The following NELL1 variants were observed in gnomAD, a reference collection of about 807,000 sequenced individuals.
The protein encoded by NELL1 is protein kinase C-binding protein NELL1.
A neutral mutation model predicts 107.4 loss-of-function variants in NELL1; 76 were observed. The observed-to-expected ratio is 0.71, with a 90% confidence interval of 0.59 to 0.86. NELL1 has a LOEUF of 0.86. Among genes scored for constraint, NELL1 ranks in the 40% least tolerant of loss-of-function variants. NELL1 has a pLI of 0.00. For synonymous variants in NELL1, 353 were observed against 341.2 expected, an observed-to-expected ratio of 1.03 and a Z score of -0.38; for missense variants, 1,024 against 1,005.5, an observed-to-expected ratio of 1.02 and a Z score of -0.25.
At chr11:21,119,138 T>A (rs186570938) in intron 13 of NELL1, among the ~76,000 whole-genome samples, 1 of 152,122 alleles carries the variant, frequency 6.6e-6, no homozygotes, top group African/African-American at 2.4e-5. Context: ...GCCAAATCAA[T>A]CCCTCTTTGA....
intron 14 of NELL1, among the ~76,000 whole-genome samples, chr11:21,354,987 T>C (rs1213903870): frequency 6.6e-6 from 1 of 152,202 alleles, no homozygotes; most frequent in African/African-American, 2.4e-5. Flanking sequence ...CCTTTCAGGC[T>C]CCCATTTCCT....
chr11:21,064,140 C>T (rs1306414645), intron 12 of NELL1, among the ~76,000 whole-genome samples: 6 of 152,098 alleles, frequency 3.9e-5, no homozygotes, highest in Non-Finnish European at 8.8e-5. Context: ...CCCTTGTAAC[C>T]AGAACCAGGG....
At chr11:20,849,180 C>A (rs545067599) in intron 4 of NELL1, among the ~76,000 whole-genome samples, 1 of 152,312 alleles carries the variant, frequency 6.6e-6, no homozygotes, top group South Asian at 2.1e-4. Context: ...AGAGGAAGAG[C>A]CCTGCTTGTC....
intron 13 of NELL1, among the ~76,000 whole-genome samples, chr11:21,172,635 T>A (rs763304891): frequency 1.3e-5 from 2 of 151,626 alleles, no homozygotes; most frequent in Non-Finnish European, 2.9e-5. Context: ...TTTTAATTAT[T>A]TTTTTTTCTC....
intron 14 of NELL1, among the ~76,000 whole-genome samples, chr11:21,358,156 G>A (rs1043699301): frequency 1.3e-5 from 2 of 152,048 alleles, no homozygotes; most frequent in African/African-American, 4.8e-5. Flanking sequence ...ATGAATTTTA[G>A]GATTGCTTTT....
chr11:20,915,748 G>T (rs1253352195), intron 5 of NELL1, among the ~76,000 whole-genome samples: 8 of 22,838 alleles, frequency 3.5e-4, no homozygotes, highest in Non-Finnish European at 6.3e-4. Flanking sequence ...GAGGAATAAG[G>T]CTGATTGAGC....
chr11:20,675,449 C>T (rs1854030518), intron 1 of NELL1, among the ~76,000 whole-genome samples: 1 of 152,188 alleles, frequency 6.6e-6, no homozygotes, highest in South Asian at 2.1e-4. Flanking sequence ...ATTGATCATG[C>T]ATCAACTCAT....
rs184916847 is a variant in NELL1 at position 21,434,144 on chromosome 11, G to A, written c.1645+63196G>A. On this transcript the variant is annotated intron_variant, in intron 15 of 19. Transcript: ENST00000357134. ...TATTTTCTTTTATTCTACAGGTTGTGTCTTCACTCTGGTGATTGTTCCTTT... is the reference window on the plus strand; with the variant it reads ...TATTTTCTTTTATTCTACAGGTTGTATCTTCACTCTGGTGATTGTTCCTTT... Among the ~76,000 whole-genome samples, 54 of 152,188 alleles carry A rather than the reference G, an allele frequency of 3.5e-4. No individual in the cohort carries two copies. In the East Asian group the frequency reaches 9.7e-3, roughly 27 times the overall value.
chr11:21,371,132 G>A (rs1851351265), intron 15 of NELL1, among the ~76,000 whole-genome samples, 184 bp downstream of exon 15: 1 of 152,074 alleles, frequency 6.6e-6, no homozygotes, highest in Non-Finnish European at 1.5e-5. Flanking sequence ...TCTGAAAATA[G>A]AGCTTCATTC....
rs139306052 is a variant in NELL1 at position 21,108,675 on chromosome 11, G to A, written c.1301-4914G>A. On this transcript the variant is annotated intron_variant, in intron 12 of 19. Transcript: ENST00000357134. Reference sequence around the variant, plus strand: ...ATAGTCTCAAGCGTTATGAGTAGACGCTGTGTCAGTCTGTGAGTTCCAGCT... The same window carrying A: ...ATAGTCTCAAGCGTTATGAGTAGACACTGTGTCAGTCTGTGAGTTCCAGCT... Among the ~76,000 whole-genome samples, 20 of 152,172 alleles carry A rather than the reference G, an allele frequency of 1.3e-4. No individual in the cohort carries two copies. The South Asian group carries it at 2.7e-3, about 21-fold the overall frequency.
chr11:20,773,926 A>G (rs1856690359), intron 2 of NELL1, among the ~76,000 whole-genome samples: 1 of 152,034 alleles, frequency 6.6e-6, no homozygotes, highest in African/African-American at 2.4e-5. Flanking sequence ...GCTCCAGGTG[A>G]TTTCAGACCT....
At chr11:21,148,697 C>A (rs1374365909) in intron 13 of NELL1, among the ~76,000 whole-genome samples, 1 of 152,090 alleles carries the variant, frequency 6.6e-6, no homozygotes, top group Non-Finnish European at 1.5e-5. Context: ...CTGTAAGGAG[C>A]CAGTAAATTG....
chr11:21,108,400 T>A (rs893825046), intron 12 of NELL1, among the ~76,000 whole-genome samples: 5 of 152,246 alleles, frequency 3.3e-5, no homozygotes, highest in Admixed American at 1.3e-4. Context: ...TAAGTACACC[T>A]TTTAAAACAA....
intron 3 of NELL1, among the ~76,000 whole-genome samples, chr11:20,834,858 G>T (rs534692121): frequency 2.0e-5 from 3 of 152,230 alleles, no homozygotes; most frequent in South Asian, 2.1e-4. Flanking sequence ...GGTGACACCC[G>T]TGGGAGTGTT....
At chr11:21,185,293 C>CTTTTTT (rs11446941) in intron 13 of NELL1, among the ~76,000 whole-genome samples, 4 of 118,474 alleles carry the variant, frequency 3.4e-5, no homozygotes, top group Non-Finnish European at 6.6e-5. Context: ...ATTCCAGTAT[C>CTTTTTT]TTTTTTTTTT....
intron 2 of NELL1, among the ~76,000 whole-genome samples, chr11:20,700,729 A>G (rs187833576): frequency 1.2e-4 from 19 of 152,120 alleles, no homozygotes; most frequent in Admixed American, 9.2e-4. Flanking sequence ...TCATTGTTCA[A>G]TTCCCACCTC....
intron 12 of NELL1, 133 bp from the exon 13 acceptor site, chr11:21,113,456 T>G: frequency 1.2e-6 from 1 of 849,204 alleles, no homozygotes; most frequent in Non-Finnish European, 1.8e-6. Flanking sequence ...CACCTAAGCT[T>G]TTGTGTTTAA....
intron 17 of NELL1, among the ~76,000 whole-genome samples, chr11:21,569,084 C>T (rs1857038456): frequency 6.6e-6 from 1 of 151,654 alleles, no homozygotes; most frequent in Non-Finnish European, 1.5e-5. Flanking sequence ...TAATACAGTG[C>T]ATTACATAAT....
At chr11:21,182,440 G>GAAAAAAAAAAAAAAAAAAAAA (rs201319322) in intron 13 of NELL1, among the ~76,000 whole-genome samples, 1 of 111,722 alleles carries the variant, frequency 9.0e-6, no homozygotes. Context: ...GTCTCAAAAA[G>GAAAAAAAAAAAAAAAAAAAAA]AAAAAAAAAA....
Sources: allele counts gnomAD v4.1 joint callset (sites outside exome capture counted in the v4.1 genomes callset), GRCh38; gene constraint gnomAD v4.1.1; transcripts MANE v1.5; gene names NCBI Gene and HGNC (gene_info 2026-07-23, HGNC 2026-07-21).